TBC1D2B: variants seen among roughly 807,000 people sequenced by gnomAD.
TBC1D2B encodes TBC1 domain family, member 2B.
In TBC1D2B, 64 loss-of-function variants were observed where a neutral mutation model predicts 100.8. The observed-to-expected ratio is 0.64, with a 90% CI of 0.52 to 0.78. TBC1D2B has a LOEUF of 0.78. Among genes scored for constraint, TBC1D2B ranks in the 30% least tolerant of loss-of-function variants. The probability of loss-of-function intolerance (pLI) is 0.00; values close to 1 mark genes in which losing one functional copy is unlikely to be tolerated. For missense variants in TBC1D2B, 1,052 were observed against 1,218.4 expected, an observed-to-expected ratio of 0.86 and a Z score of 2.03; for synonymous variants, 480 against 479.7, an observed-to-expected ratio of 1.00 and a Z score of -0.01.
chr15:78,053,807 A>G, intron 2 of TBC1D2B: 2 of 457,546 alleles, frequency 4.4e-6, no homozygotes, highest in Non-Finnish European at 7.7e-6. Context: ...CCTTAGTCGT[A>G]TCTTCCATAT....
At chr15:78,055,041 T>C (rs1331922002) in intron 1 of TBC1D2B, among the ~76,000 whole-genome samples, 1 of 152,182 alleles carries the variant, frequency 6.6e-6, no homozygotes, top group Non-Finnish European at 1.5e-5. Flanking sequence ...AAATATTAAA[T>C]GCATATTGCC....
intron 3 of TBC1D2B, among the ~76,000 whole-genome samples, chr15:78,042,504 T>C (rs2141763724): frequency 6.6e-6 from 1 of 152,272 alleles, no homozygotes; most frequent in Admixed American, 6.5e-5. Flanking sequence ...TTTCTGACAC[T>C]TTTAGGAGCA....
In TBC1D2B at chr15:77,995,105, TC is replaced by T. The variant is rs2071713796; in HGVS notation, c.*3054del. On this transcript the variant is annotated 3_prime_UTR_variant, in exon 13 of 13. Coordinates refer to ENST00000300584, the MANE Select transcript of TBC1D2B (RefSeq NM_144572.2). Reference sequence around the variant, plus strand: ...GAGAGTCACCTGGCGCCCCCTGCAGTCCTCCAGTTGCCCAGCAGCAGTGGGA... The same window carrying T: ...GAGAGTCACCTGGCGCCCCCTGCAGTCTCCAGTTGCCCAGCAGCAGTGGGA... The T allele has an allele frequency of 6.6e-6, 1 of 152,182 alleles. No individual in the cohort carries two copies. The highest frequency in any genetic ancestry group is 1.5e-5 in the Non-Finnish European group (1 of 68,032). 9.4% of individuals were successfully genotyped at this position (152,182 alleles called of 1,614,324 possible).
At chr15:78,035,630 C>G (rs1377048088) in intron 3 of TBC1D2B, among the ~76,000 whole-genome samples, 1 of 152,200 alleles carries the variant, frequency 6.6e-6, no homozygotes, top group Non-Finnish European at 1.5e-5. Context: ...TTTCCTCTGA[C>G]TGGCAACAGC....
intron 4 of TBC1D2B, among the ~76,000 whole-genome samples, chr15:78,026,281 A>G (rs963328815): frequency 6.6e-6 from 1 of 152,158 alleles, no homozygotes; most frequent in South Asian, 2.1e-4. Context: ...TTAGGTCATG[A>G]GGACTCTGCC....
intron 1 of TBC1D2B, among the ~76,000 whole-genome samples, chr15:78,074,330 C>T (rs2073793584): frequency 6.6e-6 from 1 of 152,102 alleles, no homozygotes; most frequent in African/African-American, 2.4e-5. Flanking sequence ...GCCTTCTCCT[C>T]CCTTCTTCCA....
chr15:78,063,248 G>A (rs2073586470), intron 1 of TBC1D2B, among the ~76,000 whole-genome samples: 1 of 152,004 alleles, frequency 6.6e-6, no homozygotes, highest in East Asian at 1.9e-4. Context: ...AGAGTATTTG[G>A]CACAAAGTAC....
chr15:78,077,688 G>C lies in TBC1D2B; in HGVS notation c.-36C>G. 1.0e-6 allele frequency: 1 copy of C among 984,804 alleles called. No homozygotes were observed. Among genetic ancestry groups the C allele is most frequent in the African/African-American group, 1.8e-5 (1 of 56,814 alleles). 61.0% of individuals were successfully genotyped at this position (984,804 alleles called of 1,614,324 possible). On this transcript the variant is annotated 5_prime_UTR_variant, in exon 1 of 13. Transcript: ENST00000300584. ...CGCCAACCGTAGGCGCCCGCGCCCT[G>C]CGCCTCCGCGCCGCGGCCGCTGCGC...
chr15:78,008,922 C>G, intron 10 of TBC1D2B, 75 bp downstream of exon 10: 1 of 1,056,628 alleles, frequency 9.5e-7, no homozygotes, highest in Admixed American at 2.0e-5. Context: ...TCACCCTGAC[C>G]GCAGGTTTAA....
chr15:78,042,936 A>C (rs1358560687), intron 3 of TBC1D2B, among the ~76,000 whole-genome samples: 1 of 152,202 alleles, frequency 6.6e-6, no homozygotes, highest in Non-Finnish European at 1.5e-5. Flanking sequence ...GAATGGGAGC[A>C]GAGCAGGACC....
intron 7 of TBC1D2B, 86 bp downstream of exon 7, chr15:78,017,761 G>T: frequency 2.4e-6 from 2 of 821,212 alleles, no homozygotes; most frequent in South Asian, 1.8e-5. Flanking sequence ...CCTGGGAGTT[G>T]AACCGCTTTG....
intron 2 of TBC1D2B, among the ~76,000 whole-genome samples, chr15:78,053,193 T>C (rs1320155330): frequency 1.3e-5 from 2 of 152,224 alleles, no homozygotes; most frequent in Non-Finnish European, 2.9e-5. Context: ...CCCTGTGTTC[T>C]GCTGAGCAGA....
chr15:78,004,220 T>C (rs958758584), intron 10 of TBC1D2B, among the ~76,000 whole-genome samples: 2 of 152,064 alleles, frequency 1.3e-5, no homozygotes, highest in East Asian at 3.9e-4. Context: ...GGGCAGAGCG[T>C]TGAATAAAGT....
chr15:78,028,318 TA>T (rs2072723877), intron 4 of TBC1D2B, among the ~76,000 whole-genome samples: 1 of 151,748 alleles, frequency 6.6e-6, no homozygotes, highest in Non-Finnish European at 1.5e-5. Context: ...CTACTAAAAA[TA>T]AAAAAATTAG....
rs532155608 is a variant in TBC1D2B, at chr15:78,052,956, T to C, written c.514+1078A>G. On this transcript the variant is annotated intron_variant, in intron 2 of 12. Transcript: ENST00000300584. ...AATAGTCAGAGCGCTAAGACAGTCG[T>C]GAAAGTGACTCAAAAACTCTCACAG... Among the ~76,000 whole-genome samples the C allele has an allele frequency of 5.1e-4, 77 of 152,326 alleles. 1 individual carries two copies. Among genetic ancestry groups the C allele is most frequent in the African/African-American group, 1.8e-3 (73 of 41,580 alleles).
intron 10 of TBC1D2B, among the ~76,000 whole-genome samples, chr15:78,008,483 T>G (rs978616948): frequency 5.9e-5 from 9 of 152,210 alleles, no homozygotes; most frequent in Non-Finnish European, 1.3e-4. Context: ...CTGCCCAGAC[T>G]TCCTCAGGAC....
At chr15:78,016,062 A>G (rs1385999483) in intron 8 of TBC1D2B, among the ~76,000 whole-genome samples, 3 of 152,184 alleles carry the variant, frequency 2.0e-5, no homozygotes, top group Non-Finnish European at 2.9e-5. Context: ...CAAGTATTTC[A>G]TGAGTCTCAT....
chr15:78,030,235 A>T, intron 3 of TBC1D2B, 65 bp from the exon 4 acceptor site: 1 of 1,421,340 alleles, frequency 7.0e-7, no homozygotes, highest in Admixed American at 2.4e-5. Context: ...AATCTCATGT[A>T]TATAGGATTG....
chr15:78,065,124 G>A (rs1163423511), intron 1 of TBC1D2B, among the ~76,000 whole-genome samples: 2 of 152,184 alleles, frequency 1.3e-5, no homozygotes, highest in Admixed American at 6.5e-5. Flanking sequence ...CTGGTAGGTG[G>A]TGGTCTGAGG....
Sources: gnomAD v4.1 joint callset for allele counts (sites outside exome capture counted in the v4.1 genomes callset) on GRCh38, gnomAD v4.1.1 for gene constraint, MANE v1.5 for transcripts, NCBI Gene and HGNC (gene_info 2026-07-23, HGNC 2026-07-21) for gene names.